LRRC7: variants seen among roughly 807,000 people sequenced by gnomAD.
The protein encoded by LRRC7 is leucine rich repeat containing 7, also known as leucine-rich repeat-containing protein 7.
Under a neutral mutation model 175.7 loss-of-function variants are expected in LRRC7, and 23 were observed. The ratio of observed to expected loss-of-function variants is 0.13; its 90% CI spans 0.09 to 0.19. The LOEUF (loss-of-function observed/expected upper bound fraction) is 0.19. Among genes scored for constraint, LRRC7 ranks in the 10% least tolerant of loss-of-function variants. The pLI is 1.00. For synonymous variants in LRRC7, 685 were observed against 680.9 expected, an observed-to-expected ratio of 1.01 and a Z score of -0.09; for missense variants, 1,354 against 1,904.7, an observed-to-expected ratio of 0.71 and a Z score of 5.38.
chr1:69,672,809 A>G (rs574742630), intron 1 of LRRC7, among the ~76,000 whole-genome samples: 14 of 152,168 alleles, frequency 9.2e-5, no homozygotes, highest in Non-Finnish European at 2.1e-4. Context: ...CAACTGAGTC[A>G]GCCAAACCTT....
At chr1:69,822,637 C>T (rs1679435270) in intron 4 of LRRC7, among the ~76,000 whole-genome samples, 1 of 152,208 alleles carries the variant, frequency 6.6e-6, no homozygotes, top group African/African-American at 2.4e-5. Context: ...GGGCAAGCCT[C>T]ACTCACTATA....
chr1:69,718,431 A>T (rs1665983826), intron 2 of LRRC7, among the ~76,000 whole-genome samples: 1 of 151,940 alleles, frequency 6.6e-6, no homozygotes, highest in South Asian at 2.1e-4. Context: ...TCAATAGAGG[A>T]TATTAAAACG....
chr1:69,980,385 G>A lies in LRRC7; in HGVS notation c.718G>A (p.Val240Ile). 1 of 1,611,790 alleles carries A rather than the reference G, an allele frequency of 6.2e-7. No homozygotes were observed. The highest frequency in any genetic ancestry group is 8.5e-7 in the Non-Finnish European group (1 of 1,178,768). ...CTCCCCACTTCTCTCCCAGCCTGAA[G>A]TTCTGGATCAAATACAAAATTTGAG... Reference protein sequence around the residue: ...GNNEFGELPEVLDQIQNLREL... With the variant: ...GNNEFGELPEILDQIQNLREL... The change falls in exon 9 of 27, where the codon GTT (valine) becomes ATT (isoleucine). Residue 240 changes from valine (V) to isoleucine (I), a missense_variant. Transcript: ENST00000651989.
chr1:70,057,879 T>C (rs1661271908), intron 23 of LRRC7, among the ~76,000 whole-genome samples: 1 of 152,116 alleles, frequency 6.6e-6, no homozygotes, highest in African/African-American at 2.4e-5. Flanking sequence ...CTATTGTCCC[T>C]GTCCTGTGCA....
intron 7 of LRRC7, among the ~76,000 whole-genome samples, chr1:69,895,726 G>T (rs1645961184): frequency 6.6e-6 from 1 of 152,116 alleles, no homozygotes; most frequent in South Asian, 2.1e-4. Context: ...CTTTCACTGA[G>T]CATAATTATT....
chr1:69,787,893 A>C (rs1052191048), intron 3 of LRRC7, among the ~76,000 whole-genome samples: 2 of 151,952 alleles, frequency 1.3e-5, no homozygotes, highest in East Asian at 3.9e-4. Flanking sequence ...ACACAGCCAG[A>C]CTATATCACT....
intron 4 of LRRC7, among the ~76,000 whole-genome samples, chr1:69,814,715 A>G (rs1678378606): frequency 6.6e-6 from 1 of 152,160 alleles, no homozygotes; most frequent in African/African-American, 2.4e-5. Flanking sequence ...AACTTTCCCT[A>G]AACTCTAGAA....
Position 69,762,534 on chromosome 1 carries a change from G to A in LRRC7, c.303+2141G>A, listed in dbSNP as rs527435855. Among the ~76,000 whole-genome samples the A allele has an allele frequency of 3.3e-5, 5 of 151,970 alleles. No homozygotes were observed. In the South Asian group the frequency reaches 6.2e-4, roughly 19 times the overall value. On this transcript the variant is annotated intron_variant, in intron 3 of 26. Transcript: ENST00000651989. The stretch of plus-strand genomic sequence containing the variant: ...TTTAAGATGCATCAAGAGTTGAAGG[G>A]AGCAGAGTTGTGAAGAGTCTGGAAC...
intron 25 of LRRC7, among the ~76,000 whole-genome samples, chr1:70,097,971 A>G (rs1169602717): frequency 6.6e-6 from 1 of 151,144 alleles, no homozygotes; most frequent in Non-Finnish European, 1.5e-5. Flanking sequence ...CTTTGGGTAT[A>G]TACCCAGTAA....
chr1:69,703,276 A>G (rs923929085), intron 2 of LRRC7, among the ~76,000 whole-genome samples: 13 of 152,038 alleles, frequency 8.6e-5, no homozygotes, highest in African/African-American at 2.4e-4. Flanking sequence ...AAAATTAAAT[A>G]GATTATTTAC....
chr1:69,704,494 C>T (rs1663773303), intron 2 of LRRC7, among the ~76,000 whole-genome samples: 1 of 151,766 alleles, frequency 6.6e-6, no homozygotes, highest in Non-Finnish European at 1.5e-5. Flanking sequence ...TTTTAATGTT[C>T]TAGAATGGCT....
intron 3 of LRRC7, among the ~76,000 whole-genome samples, chr1:69,784,733 G>A (rs1674205492): frequency 6.6e-6 from 1 of 151,924 alleles, no homozygotes; most frequent in African/African-American, 2.4e-5. Context: ...TATTATTCTG[G>A]CTATATCGTG....
At chr1:69,710,000 C>T (rs554456799) in intron 2 of LRRC7, among the ~76,000 whole-genome samples, 5 of 151,902 alleles carry the variant, frequency 3.3e-5, no homozygotes, top group African/African-American at 4.8e-5. Flanking sequence ...AAAAGTCAAC[C>T]GGTGTGGTGT....
intron 8 of LRRC7, among the ~76,000 whole-genome samples, chr1:69,973,165 T>C (rs1652440818): frequency 6.6e-6 from 1 of 151,498 alleles, no homozygotes; most frequent in African/African-American, 2.4e-5. Context: ...ACTATTATTC[T>C]AAGCAAAGTA....
chr1:69,864,017 T>C (rs1322688017), intron 7 of LRRC7, among the ~76,000 whole-genome samples: 1 of 152,174 alleles, frequency 6.6e-6, no homozygotes, highest in Non-Finnish European at 1.5e-5. Context: ...ATGTCATTCC[T>C]TCTGCCTGAT....
chr1:69,889,836 G>A (rs765031466), intron 7 of LRRC7, among the ~76,000 whole-genome samples: 6 of 147,410 alleles, frequency 4.1e-5, no homozygotes, highest in Non-Finnish European at 7.4e-5. Context: ...AGAAGAAGAA[G>A]GAGAGGAGGA....
At chr1:69,962,104 A>C (rs1158091408) in intron 8 of LRRC7, among the ~76,000 whole-genome samples, 1 of 152,224 alleles carries the variant, frequency 6.6e-6, no homozygotes, top group African/African-American at 2.4e-5. Context: ...ACAAAAGTCT[A>C]ATATCCAGCA....
chr1:69,981,619 A>G (rs1158516174), intron 9 of LRRC7, among the ~76,000 whole-genome samples: 1 of 152,214 alleles, frequency 6.6e-6, no homozygotes, highest in African/African-American at 2.4e-5. Flanking sequence ...AAGCTCGCAC[A>G]TAGCAGGATA....
chr1:69,655,670 G>A (rs1257794387), intron 1 of LRRC7, among the ~76,000 whole-genome samples: 5 of 151,936 alleles, frequency 3.3e-5, no homozygotes, highest in Admixed American at 2.0e-4. Context: ...TAAAGAAAAG[G>A]AAAAAGGATA....
Sources: gnomAD v4.1 joint callset for allele counts (sites outside exome capture counted in the v4.1 genomes callset) on GRCh38, gnomAD v4.1.1 for gene constraint, MANE v1.5 for transcripts, NCBI Gene and HGNC (gene_info 2026-07-23, HGNC 2026-07-21) for gene names.